The following LRMDA variants were observed in gnomAD, a reference collection of about 807,000 sequenced individuals.
The protein encoded by LRMDA is leucine rich melanocyte differentiation associated.
LRMDA carries 18 observed loss-of-function variants against 29.8 expected under a neutral mutation model. The ratio of observed to expected loss-of-function variants is 0.60; its 90% CI spans 0.42 to 0.90. LRMDA has a LOEUF of 0.90. Among genes scored for constraint, LRMDA ranks in the 40% least tolerant of loss-of-function variants. The pLI is 0.00. For synonymous variants in LRMDA, 125 were observed against 109.4 expected (o/e 1.14, Z -0.89); for missense variants, 273 against 273.9 (o/e 1.00, Z 0.02).
At chr10:75,869,384 C>T (rs1845071740) in intron 2 of LRMDA, among the ~76,000 whole-genome samples, 1 of 152,140 alleles carries the variant, frequency 6.6e-6, no homozygotes, top group Non-Finnish European at 1.5e-5. Context: ...ATGTGATATT[C>T]CGTCTTGAGG....
intron 6 of LRMDA, among the ~76,000 whole-genome samples, chr10:76,383,877 G>C (rs549896917): frequency 6.6e-6 from 1 of 152,210 alleles, no homozygotes; most frequent in East Asian, 1.9e-4. Flanking sequence ...CAGTTTAAAG[G>C]AGCCACAACC....
intron 5 of LRMDA, among the ~76,000 whole-genome samples, chr10:76,322,889 T>C (rs1840789000): frequency 6.6e-6 from 1 of 152,184 alleles, no homozygotes; most frequent in Non-Finnish European, 1.5e-5. Flanking sequence ...TTTAGGACAC[T>C]ATCCTCATGT....
intron 6 of LRMDA, among the ~76,000 whole-genome samples, chr10:76,403,932 C>G (rs986033987): frequency 2.0e-5 from 3 of 152,088 alleles, no homozygotes; most frequent in African/African-American, 7.2e-5. Context: ...AGCTGGACAC[C>G]CTCAATGGTG....
chr10:76,029,239 AC>A (rs1437260522), intron 2 of LRMDA, among the ~76,000 whole-genome samples: 2 of 152,210 alleles, frequency 1.3e-5, no homozygotes, highest in African/African-American at 4.8e-5. Context: ...AATCTGTATT[AC>A]ATTTTATTGA....
intron 2 of LRMDA, among the ~76,000 whole-genome samples, chr10:76,029,983 C>T (rs112966121): frequency 6.6e-6 from 1 of 152,096 alleles, no homozygotes; most frequent in Non-Finnish European, 1.5e-5. Flanking sequence ...GTAGCCTGGC[C>T]CTCCTGGGCT....
intron 5 of LRMDA, among the ~76,000 whole-genome samples, chr10:76,315,921 C>A (rs1438899162): frequency 1.3e-4 from 20 of 152,144 alleles, no homozygotes; most frequent in Admixed American, 1.2e-3. Flanking sequence ...CAATGACCTG[C>A]CTGCAGAAAG....
At chr10:76,539,846 T>C (rs142790115) in intron 6 of LRMDA, among the ~76,000 whole-genome samples, 2 of 152,100 alleles carry the variant, frequency 1.3e-5, no homozygotes, top group African/African-American at 4.8e-5. Context: ...CTGTGAAACA[T>C]GAATAGGATG....
chr10:75,725,952 C>A (rs1402541328), intron 2 of LRMDA, among the ~76,000 whole-genome samples: 1 of 152,168 alleles, frequency 6.6e-6, no homozygotes, highest in African/African-American at 2.4e-5. Flanking sequence ...ATCTCCTGCC[C>A]TATGACCAGG....
At chr10:75,895,420 A>G (rs976546398) in intron 2 of LRMDA, among the ~76,000 whole-genome samples, 34 of 152,182 alleles carry the variant, frequency 2.2e-4, no homozygotes, top group Admixed American at 2.2e-3. Flanking sequence ...GTACATACTC[A>G]TCATGTACCC....
At chr10:75,715,049 G>A (rs887378946) in intron 2 of LRMDA, among the ~76,000 whole-genome samples, 3 of 152,194 alleles carry the variant, frequency 2.0e-5, no homozygotes, top group Non-Finnish European at 4.4e-5. Flanking sequence ...GTTTGTCAGC[G>A]TATCTCATGA....
At chr10:76,032,895 G>A (rs1455813755) in intron 2 of LRMDA, among the ~76,000 whole-genome samples, 1 of 152,054 alleles carries the variant, frequency 6.6e-6, no homozygotes, top group Non-Finnish European at 1.5e-5. Flanking sequence ...CGGGGATCTG[G>A]TTTTGGGGTG....
chr10:76,280,465 G>C (rs988899205), intron 5 of LRMDA, among the ~76,000 whole-genome samples: 2 of 152,140 alleles, frequency 1.3e-5, no homozygotes, highest in African/African-American at 4.8e-5. Context: ...TGTCTACCCT[G>C]ATACTGAAAA....
Position 75,782,809 on chromosome 10 carries a change from A to G in LRMDA, c.132-253199A>G, listed in dbSNP as rs1329455674. On this transcript the variant is annotated intron_variant, in intron 2 of 6. Coordinates refer to ENST00000611255, the MANE Select transcript of LRMDA (RefSeq NM_001305581.2). ...AAAGACCCGCAACTTTCACTTGTTG[A>G]GAACCTTTAGCCAGCGCCGGCGTGC... The G allele has an allele frequency of 2.1e-6, 3 of 1,438,688 alleles. No homozygotes were observed. The Admixed American group carries it at 7.7e-5, about 37-fold the overall frequency. The allele number at this position is 1,438,688 out of a possible 1,614,324, so 89.1% of individuals were successfully genotyped here.
intron 2 of LRMDA, among the ~76,000 whole-genome samples, chr10:75,456,634 A>G (rs1052395527): frequency 6.6e-6 from 1 of 152,198 alleles, no homozygotes; most frequent in African/African-American, 2.4e-5. Context: ...AGAAGACACA[A>G]TCTAACCTGG....
intron 2 of LRMDA, among the ~76,000 whole-genome samples, chr10:75,780,967 G>A (rs1383609057): frequency 6.6e-6 from 1 of 152,162 alleles, no homozygotes; most frequent in Non-Finnish European, 1.5e-5. Flanking sequence ...AGTATGATTG[G>A]AACTTCCCCC....
At chr10:75,581,715 G>GT (rs34864648) in intron 2 of LRMDA, among the ~76,000 whole-genome samples, 91,508 of 151,300 alleles carry the variant, frequency 0.6, 30,998 homozygotes, top group East Asian at 0.85. Flanking sequence ...GTTCTCAATT[G>GT]TAAGTGGGAG....
At chr10:75,889,752 C>A (rs544807677) in intron 2 of LRMDA, among the ~76,000 whole-genome samples, 1 of 152,320 alleles carries the variant, frequency 6.6e-6, no homozygotes, top group East Asian at 1.9e-4. Flanking sequence ...TTGTGCAGAG[C>A]ATCAAACCAG....
At chr10:75,867,177 T>A (rs951282316) in intron 2 of LRMDA, among the ~76,000 whole-genome samples, 6 of 152,158 alleles carry the variant, frequency 3.9e-5, no homozygotes, top group Non-Finnish European at 7.3e-5. Context: ...TTTTATTTTT[T>A]TTTTGAGACG....
At chr10:76,090,569 A>G (rs1849215011) in intron 5 of LRMDA, among the ~76,000 whole-genome samples, 1 of 152,224 alleles carries the variant, frequency 6.6e-6, no homozygotes, top group African/African-American at 2.4e-5. Flanking sequence ...TCTAAGAGAT[A>G]TTTGAACACC....
Sources: allele counts gnomAD v4.1 joint callset (sites outside exome capture counted in the v4.1 genomes callset), GRCh38; gene constraint gnomAD v4.1.1; transcripts MANE v1.5; gene names NCBI Gene and HGNC (gene_info 2026-07-23, HGNC 2026-07-21).